ITGA4: variants seen among roughly 807,000 people sequenced by gnomAD.
ITGA4 encodes integrin subunit alpha 4, also known as integrin alpha-4.
ITGA4 carries 63 observed loss-of-function variants against 133.6 expected under a neutral mutation model. The ratio of observed to expected loss-of-function variants is 0.47; its 90% confidence interval spans 0.38 to 0.58. The LOEUF (loss-of-function observed/expected upper bound fraction) is 0.58. Ranked by LOEUF, ITGA4 falls within the 20% of genes least tolerant of loss-of-function variation. ITGA4 has a pLI of 0.00. For synonymous variants in ITGA4, 483 were observed against 438.0 expected, an observed-to-expected ratio of 1.10 and a Z score of -1.28; for missense variants, 1,076 against 1,252.7, an observed-to-expected ratio of 0.86 and a Z score of 2.13.
At chr2:181,469,943 A>T (rs2105720729) in intron 2 of ITGA4, among the ~76,000 whole-genome samples, 1 of 152,254 alleles carries the variant, frequency 6.6e-6, no homozygotes. Context: ...GAGGGATAGC[A>T]TTAGGAGATA....
Position 181,498,891 on chromosome 2 carries a change from C to T in ITGA4, c.1695+114C>T, listed in dbSNP as rs1574398265. 2.9e-6 allele frequency: 4 copies of T among 1,372,906 alleles called. No individual in the cohort carries two copies. The East Asian group carries it at 8.2e-5, about 28-fold the overall frequency. The allele number at this position is 1,372,906 out of a possible 1,614,324, so 85.0% of individuals were successfully genotyped here. ...ATGTAGATAAAAGCAACTGTTACCC[C>T]TCCTGAACTATGACCTGTTGCTCCA... On this transcript the variant is annotated intron_variant, in intron 15 of 27. Coordinates refer to ENST00000397033, the MANE Select transcript of ITGA4 (RefSeq NM_000885.6).
Position 181,498,768 on chromosome 2 carries a change from A to G in ITGA4, c.1686A>G (p.Ala562=), listed in dbSNP as rs1686209198. 1 of 1,598,018 alleles carries G rather than the reference A, an allele frequency of 6.3e-7. No homozygotes were observed. Among genetic ancestry groups the G allele is most frequent in the African/African-American group, 1.3e-5 (1 of 74,182 alleles). Residue 562 remains alanine, a synonymous_variant, in exon 15 of 28, where the codon GCA becomes GCG. Transcript: ENST00000397033. ...AAGCTAACTGTAGAACACATCAAGCATTTATGCGGGTAATGTAAGCTATTT... is the reference window on the plus strand; with the variant it reads ...AAGCTAACTGTAGAACACATCAAGCGTTTATGCGGGTAATGTAAGCTATTT... ...SREANCRTHQ[A]FMRKDVRDIL...
intron 15 of ITGA4, among the ~76,000 whole-genome samples, chr2:181,507,053 T>A (rs1205861755): frequency 6.6e-6 from 1 of 152,148 alleles, no homozygotes; most frequent in Admixed American, 6.6e-5. Flanking sequence ...GAAGAACTTA[T>A]AGATTGAAAC....
intron 2 of ITGA4, chr2:181,459,232 A>G (rs1559034101): frequency 6.6e-6 from 1 of 152,218 alleles, no homozygotes; most frequent in Admixed American, 6.5e-5. Context: ...GGTGGGAACT[A>G]AAGTCAAACT....
chr2:181,472,780 T>C (rs895152480), intron 2 of ITGA4, among the ~76,000 whole-genome samples: 4 of 151,808 alleles, frequency 2.6e-5, no homozygotes, highest in African/African-American at 9.7e-5. Context: ...CCACACACAA[T>C]TTTTTTTCTC....
chr2:181,480,678 T>G (rs995859100), intron 6 of ITGA4, among the ~76,000 whole-genome samples: 1 of 152,100 alleles, frequency 6.6e-6, no homozygotes, highest in African/African-American at 2.4e-5. Flanking sequence ...AAGTATAGTT[T>G]CCTTAAGCAC....
chr2:181,496,072 T>C (rs1392483770), intron 14 of ITGA4, 135 bp downstream of exon 14: 2 of 817,440 alleles, frequency 2.4e-6, no homozygotes, highest in East Asian at 2.6e-5. Flanking sequence ...ACCTGATGCA[T>C]GCTTTTCCTC....
rs1469637366 is a variant in ITGA4 at position 181,457,816 on chromosome 2, C to G, written c.162C>G (p.Tyr54Ter). ...GCCCCCACAACACGCTGTTCGGCTA[C>G]TCGGTCGTGCTGCACAGCCACGGGG... ...YQGPHNTLFG[Y>*]SVVLHSHGAN... Residue 54 changes from tyrosine to a stop codon, truncating the protein, a stop_gained, in exon 1 of 28, where the codon TAC (tyrosine) becomes TAG (stop). Coordinates refer to ENST00000397033, the MANE Select transcript of ITGA4 (RefSeq NM_000885.6). LOFTEE classifies it high-confidence loss of function. The G allele has an allele frequency of 2.5e-6, 4 of 1,613,494 alleles. No individual in the cohort carries two copies. Among genetic ancestry groups the G allele is most frequent in the Non-Finnish European group, 2.5e-6 (3 of 1,179,872 alleles).
chr2:181,522,167 T>G, intron 17 of ITGA4, 24 bp from the exon 18 acceptor site: 1 of 1,453,736 alleles, frequency 6.9e-7, no homozygotes, highest in South Asian at 1.2e-5. Context: ...AAACAAGAAC[T>G]AAATAATATT....
chr2:181,488,173 T>G (rs1314900395), intron 10 of ITGA4, among the ~76,000 whole-genome samples: 3 of 152,202 alleles, frequency 2.0e-5, no homozygotes, highest in African/African-American at 4.8e-5. Context: ...CAAATTCCCT[T>G]ATCAAAATTA....
chr2:181,478,696 CAAAT>C (rs1685736738), intron 4 of ITGA4, 57 bp from the exon 5 acceptor site: 1 of 729,010 alleles, frequency 1.4e-6, no homozygotes. Context: ...ATTTAAGAAA[CAAAT>C]TATGGAGATT....
chr2:181,482,455 G>A (rs1354914817), intron 8 of ITGA4, 33 bp downstream of exon 8: 3 of 1,613,418 alleles, frequency 1.9e-6, no homozygotes, highest in South Asian at 1.1e-5. Flanking sequence ...ATCTCTGTGG[G>A]CTTTTGCGAG....
chr2:181,504,309 A>C (rs980815), intron 15 of ITGA4, among the ~76,000 whole-genome samples: 148,804 of 152,164 alleles, frequency 0.98, 72,859 homozygotes, highest in Middle Eastern at 1. Flanking sequence ...TTTTAGATTT[A>C]TGAAATGTGG....
chr2:181,485,620 T>A lies in ITGA4; in HGVS notation c.1042-261T>A, dbSNP rs557244787. Among the ~76,000 whole-genome samples, 2 of 152,334 alleles carry A rather than the reference T, an allele frequency of 1.3e-5. 1 individual carries two copies. The highest frequency in any genetic ancestry group is 4.8e-5 in the African/African-American group (2 of 41,574). Reference sequence around the variant, plus strand: ...TATTTGCTAAATTGAATTATCAAAATGATTTATTGGATTTTCAAAGCTAGA... The same window carrying A: ...TATTTGCTAAATTGAATTATCAAAAAGATTTATTGGATTTTCAAAGCTAGA... On this transcript the variant is annotated intron_variant, in intron 9 of 27. Coordinates refer to ENST00000397033, the MANE Select transcript of ITGA4 (RefSeq NM_000885.6).
Position 181,495,455 on chromosome 2 carries a change from T to C in ITGA4, c.1385+39T>C, listed in dbSNP as rs2305586. ...ATTTCACTGCTTAATTGCAATTTGG[T>C]TTAATTGTAAAATGATGGGAGGTGG... On this transcript the variant is annotated intron_variant, in intron 13 of 27. Coordinates refer to ENST00000397033, the MANE Select transcript of ITGA4 (RefSeq NM_000885.6). This position sits in a 1 kb window ranked among gnomAD's most constrained non-coding sequence, Gnocchi z 4.3. 186,198 of 1,478,834 alleles carry C rather than the reference T, an allele frequency of 0.13. 13,768 individuals are homozygous for C. Among genetic ancestry groups the C allele is most frequent in the East Asian group, 0.27 (11,953 of 44,094 alleles). 91.6% of individuals were successfully genotyped at this position (1,478,834 alleles called of 1,614,324 possible).
chr2:181,530,682 C>T, intron 24 of ITGA4, 33 bp downstream of exon 24: 1 of 1,593,578 alleles, frequency 6.3e-7, no homozygotes, highest in Non-Finnish European at 8.6e-7. Context: ...GTAGTTCCTG[C>T]TTTCCAACAG....
At chr2:181,522,966 A>C (rs979771098) in intron 18 of ITGA4, among the ~76,000 whole-genome samples, 6 of 152,178 alleles carry the variant, frequency 3.9e-5, no homozygotes, top group African/African-American at 1.4e-4. Flanking sequence ...TTTTGATTAA[A>C]TACCTTAAAC....
intron 22 of ITGA4, among the ~76,000 whole-genome samples, chr2:181,528,306 A>C (rs1686874448): frequency 6.6e-6 from 1 of 152,174 alleles, no homozygotes; most frequent in Non-Finnish European, 1.5e-5. Context: ...TTAGTTCTCC[A>C]CTTTGAAGTC....
chr2:181,476,015 G>C, intron 4 of ITGA4: 1 of 1,051,862 alleles, frequency 9.5e-7, no homozygotes, highest in Non-Finnish European at 1.3e-6. Flanking sequence ...AGCACGCAAA[G>C]AAAAATTTTA....
Sources: gnomAD v4.1 joint callset for allele counts (sites outside exome capture counted in the v4.1 genomes callset) on GRCh38, gnomAD v4.1.1 for gene constraint, Gnocchi (gnomAD v3.1) non-coding constraint, MANE v1.5 for transcripts, NCBI Gene and HGNC (gene_info 2026-07-23, HGNC 2026-07-21) for gene names.